SNTG2: variants seen among roughly 807,000 people sequenced by gnomAD.
SNTG2 encodes gamma-2-syntrophin.
A neutral mutation model predicts 70.9 loss-of-function variants in SNTG2; 74 were observed. The observed-to-expected ratio is 1.04, with a 90% CI of 0.86 to 1.27. The LOEUF (loss-of-function observed/expected upper bound fraction) is 1.27, where lower values mean the gene tolerates loss of function less well. SNTG2 is among the 50% of genes most tolerant of loss of function. The pLI is 0.00. For synonymous variants in SNTG2, 278 were observed against 273.8 expected (o/e 1.02, Z -0.15); for missense variants, 717 against 690.7 (o/e 1.04, Z -0.43).
intron 16 of SNTG2, among the ~76,000 whole-genome samples, chr2:1,320,176 T>C (rs1421496770): frequency 3.3e-5 from 5 of 152,126 alleles, no homozygotes; most frequent in African/African-American, 1.2e-4. Flanking sequence ...TCCTGAAATC[T>C]AGGGAGGAGT....
intron 13 of SNTG2, among the ~76,000 whole-genome samples, chr2:1,266,027 G>C (rs1428437595): frequency 6.6e-6 from 1 of 152,102 alleles, no homozygotes; most frequent in African/African-American, 2.4e-5. Flanking sequence ...GGTGAGCTGA[G>C]AACTGAGGTG....
chr2:1,349,175 C>T (rs1293189671), intron 16 of SNTG2, among the ~76,000 whole-genome samples: 1 of 152,220 alleles, frequency 6.6e-6, no homozygotes, highest in African/African-American at 2.4e-5. Context: ...GATGTCCAAA[C>T]TGTCTTTGTG....
At chr2:1,224,037 T>G (rs570321471) in intron 9 of SNTG2, among the ~76,000 whole-genome samples, 8 of 152,104 alleles carry the variant, frequency 5.3e-5, no homozygotes, top group Non-Finnish European at 1.2e-4. Context: ...CTGTCCTGCA[T>G]TGCAGATGGC....
chr2:1,152,386 C>T (rs1424272919), intron 6 of SNTG2, among the ~76,000 whole-genome samples: 2 of 152,132 alleles, frequency 1.3e-5, no homozygotes, highest in Non-Finnish European at 1.5e-5. Context: ...CGTGTGAGGC[C>T]GTGTGCATGC....
Position 1,097,514 on chromosome 2 carries a change from A to G in SNTG2, c.211-682A>G, listed in dbSNP as rs756295925. Among the ~76,000 whole-genome samples the G allele has an allele frequency of 1.3e-5, 2 of 152,168 alleles. No individual in the cohort carries two copies. The highest frequency in any genetic ancestry group is 2.9e-5 in the Non-Finnish European group (2 of 68,032). On this transcript the variant is annotated intron_variant, in intron 2 of 16. Coordinates refer to ENST00000308624, the MANE Select transcript of SNTG2 (RefSeq NM_018968.4). This position sits in a 1 kb window ranked among gnomAD's most constrained non-coding sequence, Gnocchi z 4.1. ...CCCCTCAGAGCAGCACCAGTCACTCATGTCTACCTGAAGTTGGCAACAGTC... is the reference window on the plus strand; with the variant it reads ...CCCCTCAGAGCAGCACCAGTCACTCGTGTCTACCTGAAGTTGGCAACAGTC...
chr2:1,086,475 A>G (rs1430065842), intron 2 of SNTG2, among the ~76,000 whole-genome samples: 1 of 152,198 alleles, frequency 6.6e-6, no homozygotes, highest in African/African-American at 2.4e-5. Flanking sequence ...CCAACCCCAC[A>G]TCTGCCCTCA....
chr2:1,114,698 C>T (rs908562119), intron 4 of SNTG2, among the ~76,000 whole-genome samples: 2 of 150,508 alleles, frequency 1.3e-5, no homozygotes, highest in South Asian at 2.1e-4. Context: ...ATCGTGTGTA[C>T]TCATGTTTAA....
At chr2:989,293 A>G (rs1661421366) in intron 1 of SNTG2, among the ~76,000 whole-genome samples, 1 of 152,174 alleles carries the variant, frequency 6.6e-6, no homozygotes, top group African/African-American at 2.4e-5. Flanking sequence ...GGAGTATCCT[A>G]GTGGTGTTCC....
intron 1 of SNTG2, among the ~76,000 whole-genome samples, chr2:1,074,318 G>A (rs1306252461): frequency 5.9e-5 from 9 of 152,138 alleles, no homozygotes; most frequent in Admixed American, 5.9e-4. Context: ...GAGATGATGC[G>A]TTTCTCCCCT....
At chr2:1,214,815 T>G (rs1444333315) in intron 9 of SNTG2, among the ~76,000 whole-genome samples, 1 of 152,226 alleles carries the variant, frequency 6.6e-6, no homozygotes, top group Non-Finnish European at 1.5e-5. Flanking sequence ...TTGTTCTGGA[T>G]TTTAAGGGAA....
intron 6 of SNTG2, 54 bp downstream of exon 6, chr2:1,137,863 A>G: frequency 1.3e-6 from 2 of 1,482,084 alleles, no homozygotes; most frequent in South Asian, 2.3e-5. Context: ...TATTTGAATT[A>G]TTTGTCTCTA....
At position 961,531 on chromosome 2, in the gene SNTG2, T is replaced by A. The variant is rs140399404; in HGVS notation, c.72+10463T>A. Among the ~76,000 whole-genome samples the A allele has an allele frequency of 2.4e-3, 364 of 152,336 alleles. 1 individual carries two copies. Among genetic ancestry groups the A allele is most frequent in the African/African-American group, 8.0e-3 (332 of 41,568 alleles). ...TACATTTTAATTTTCTTACTCAGAA[T>A]GGTAGGATTAGCCATTGAATTTCTC... On this transcript the variant is annotated intron_variant, in intron 1 of 16. Coordinates refer to ENST00000308624, the MANE Select transcript of SNTG2 (RefSeq NM_018968.4).
At chr2:1,156,499 C>T (rs538270212) in intron 6 of SNTG2, among the ~76,000 whole-genome samples, 1 of 152,272 alleles carries the variant, frequency 6.6e-6, no homozygotes, top group Non-Finnish European at 1.5e-5. Flanking sequence ...GAGGCGTGTC[C>T]TGCCCTGCGC....
rs530454663 is a variant in SNTG2 at position 970,010 on chromosome 2, G to C, written c.72+18942G>C. 3.5e-4 allele frequency among the ~76,000 whole-genome samples: 53 copies of C among 152,308 alleles called. 1 individual carries two copies. Among genetic ancestry groups the C allele is most frequent in the African/African-American group, 1.2e-3 (51 of 41,572 alleles). On this transcript the variant is annotated intron_variant, in intron 1 of 16. Transcript: ENST00000308624. ...GTTGACTGTGGGTTTGTCATAGACAGCTCTTACTATTTTGAGGAATATACC... is the reference window on the plus strand; with the variant it reads ...GTTGACTGTGGGTTTGTCATAGACACCTCTTACTATTTTGAGGAATATACC...
chr2:979,874 A>G (rs1661043541), intron 1 of SNTG2, among the ~76,000 whole-genome samples: 1 of 140,904 alleles, frequency 7.1e-6, no homozygotes, highest in Non-Finnish European at 1.6e-5. Flanking sequence ...GCCAAAGTTT[A>G]TAGAGATTAT....
chr2:1,072,315 A>ATTTTCTTTTTCTTTTTC (rs1230841483), intron 1 of SNTG2, among the ~76,000 whole-genome samples: 1 of 128,972 alleles, frequency 7.8e-6, no homozygotes, highest in Middle Eastern at 3.8e-3. Context: ...AAAGCCAGTG[A>ATTTTCTTTTTCTTTTTC]TTTTCTTTTT....
intron 9 of SNTG2, among the ~76,000 whole-genome samples, chr2:1,218,410 CCT>C (rs1674537459): frequency 6.6e-6 from 1 of 152,172 alleles, no homozygotes; most frequent in Admixed American, 6.5e-5. Flanking sequence ...AGTGTCTCAA[CCT>C]CTGTTTCCCT....
intron 2 of SNTG2, among the ~76,000 whole-genome samples, chr2:1,087,254 G>A (rs1664742159): frequency 6.6e-6 from 1 of 152,240 alleles, no homozygotes; most frequent in Non-Finnish European, 1.5e-5. Flanking sequence ...CCTCATGGCT[G>A]TGCTGGCCTC....
At chr2:1,111,884 A>C (rs1034835056) in intron 4 of SNTG2, among the ~76,000 whole-genome samples, 2 of 151,994 alleles carry the variant, frequency 1.3e-5, no homozygotes, top group Admixed American at 6.5e-5. Flanking sequence ...TTTGAGGAGG[A>C]TCGTGTGTAC....
Sources: allele counts gnomAD v4.1 joint callset (sites outside exome capture counted in the v4.1 genomes callset), GRCh38; gene constraint gnomAD v4.1.1; non-coding constraint Gnocchi (gnomAD v3.1); transcripts MANE v1.5; gene names NCBI Gene and HGNC (gene_info 2026-07-23, HGNC 2026-07-21).